The following HDLBP variants were observed in gnomAD, a reference collection of about 807,000 sequenced individuals.
HDLBP encodes the protein high density lipoprotein binding protein.
HDLBP carries 30 observed loss-of-function variants against 137.3 expected under a neutral mutation model. That is an observed-to-expected ratio of 0.22 (90% CI 0.16 to 0.30). The LOEUF is 0.30. Ranked by LOEUF, HDLBP falls within the 10% of genes least tolerant of loss-of-function variation. The pLI is 1.00. For synonymous variants in HDLBP, 606 were observed against 596.0 expected, an observed-to-expected ratio of 1.02 and a Z score of -0.24; for missense variants, 1,119 against 1,667.3, an observed-to-expected ratio of 0.67 and a Z score of 5.73.
At chr2:241,309,175 C>T (rs2075683788) in intron 1 of HDLBP, among the ~76,000 whole-genome samples, 1 of 152,178 alleles carries the variant, frequency 6.6e-6, no homozygotes, top group African/African-American at 2.4e-5. Flanking sequence ...CACTCCACTC[C>T]CCTCGATACT....
At chr2:241,267,438 T>C (rs2073759901) in intron 2 of HDLBP, 2 of 758,642 alleles carry the variant, frequency 2.6e-6, no homozygotes, top group South Asian at 3.2e-5. Flanking sequence ...AGAGACACAG[T>C]CAACACCACC....
chr2:241,232,511 G>A (rs2069893086), intron 24 of HDLBP, among the ~76,000 whole-genome samples: 1 of 152,188 alleles, frequency 6.6e-6, no homozygotes, highest in Non-Finnish European at 1.5e-5. Context: ...CCTGACCTCA[G>A]GGGATCCACC....
At position 241,240,832 on chromosome 2, in the gene HDLBP, C is replaced by G. The variant is rs969052703; in HGVS notation, c.2170-710G>C. ...TTCTGGCAGACCCACGCAGGGGCCC[C>G]GAGAAGGGCGCTGCTCCACGGGACT... On this transcript the variant is annotated intron_variant, in intron 17 of 27. Coordinates refer to ENST00000310931, the MANE Select transcript of HDLBP (RefSeq NM_005336.6). The surrounding 1 kb of genome is among the most constrained non-coding windows in gnomAD (Gnocchi z 5.5). Among the ~76,000 whole-genome samples the G allele has an allele frequency of 1.3e-5, 2 of 152,160 alleles. No individual in the cohort carries two copies. The highest frequency in any genetic ancestry group is 2.4e-5 in the African/African-American group (1 of 41,444).
At chr2:241,235,758 T>C (rs552012733) in intron 21 of HDLBP, 164 bp from the exon 22 acceptor site, 4 of 579,066 alleles carry the variant, frequency 6.9e-6, no homozygotes, top group Admixed American at 3.1e-5. Context: ...TAGAAAAGAA[T>C]AGGAAAAGAT....
At chr2:241,289,246 G>A (rs2074931617) in intron 1 of HDLBP, among the ~76,000 whole-genome samples, 1 of 152,118 alleles carries the variant, frequency 6.6e-6, no homozygotes, top group African/African-American at 2.4e-5. Flanking sequence ...ACACTGCTTG[G>A]CACATCACCC....
At position 241,238,820 on chromosome 2, in the gene HDLBP, A is replaced by G; in HGVS notation, c.2611-33T>C. 1.4e-6 allele frequency: 2 copies of G among 1,466,710 alleles called. No homozygotes were observed. Among genetic ancestry groups the G allele is most frequent in the Non-Finnish European group, 1.8e-6 (2 of 1,096,586 alleles). The allele number at this position is 1,466,710 out of a possible 1,614,324, so 90.9% of individuals were successfully genotyped here. ...GAGGTACACAAAGAAAAAAGAAAAGAGCAAAGATTAAATTCCTTAGGGCAA... is the reference window on the plus strand; with the variant it reads ...GAGGTACACAAAGAAAAAAGAAAAGGGCAAAGATTAAATTCCTTAGGGCAA... On this transcript the variant is annotated intron_variant, in intron 19 of 27. Transcript: ENST00000310931. The surrounding 1 kb of genome is among the most constrained non-coding windows in gnomAD (Gnocchi z 4.9).
intron 2 of HDLBP, 28 bp downstream of exon 2, chr2:241,268,448 AG>A (rs1408801776): frequency 7.1e-6 from 7 of 985,770 alleles, no homozygotes; most frequent in South Asian, 4.7e-5. Context: ...GCCCAGGGAC[AG>A]GAAGTCTTCA....
rs1273129829 is a variant in HDLBP at position 241,246,836 on chromosome 2, G to A, written c.1866C>T (p.Ser622=). Residue 622 remains serine, a synonymous_variant, in exon 16 of 28, where the codon AGC becomes AGT. Coordinates refer to ENST00000310931, the MANE Select transcript of HDLBP (RefSeq NM_005336.6). The part of the protein sequence containing the change: ...NTKIDLPAEN[S]NSETIIITGK... ...CTGTGATGATAATGGTCTCTGAATT[G>A]CTATTCTCTGCTGGAAGGTCGATTT... 2 of 1,613,942 alleles carry A rather than the reference G, an allele frequency of 1.2e-6. No individual in the cohort carries two copies. Among genetic ancestry groups the A allele is most frequent in the African/African-American group, 2.7e-5 (2 of 75,038 alleles).
intron 1 of HDLBP, among the ~76,000 whole-genome samples, chr2:241,270,666 G>A (rs1385312118): frequency 6.6e-6 from 1 of 152,118 alleles, no homozygotes; most frequent in Non-Finnish European, 1.5e-5. Flanking sequence ...CAACAAAGCA[G>A]CACCTAAGAA....
At chr2:241,270,297 A>G (rs2073956292) in intron 1 of HDLBP, among the ~76,000 whole-genome samples, 1 of 152,170 alleles carries the variant, frequency 6.6e-6, no homozygotes, top group African/African-American at 2.4e-5. Context: ...GCAGCCAGGT[A>G]AGGCAGAAGG....
At chr2:241,292,355 T>C (rs117625542) in intron 1 of HDLBP, among the ~76,000 whole-genome samples, 119 of 152,210 alleles carry the variant, frequency 7.8e-4, no homozygotes, top group East Asian at 5.2e-3. Flanking sequence ...CATAAATAAA[T>C]GGCATTAAAA....
intron 1 of HDLBP, among the ~76,000 whole-genome samples, chr2:241,313,626 C>A (rs1318866714): frequency 6.6e-6 from 1 of 152,202 alleles, no homozygotes; most frequent in African/African-American, 2.4e-5. Flanking sequence ...ACCCTTAACC[C>A]TACACAGCAA....
chr2:241,314,370 AC>A (rs1281696976), intron 1 of HDLBP, among the ~76,000 whole-genome samples: 1 of 152,112 alleles, frequency 6.6e-6, no homozygotes, highest in Non-Finnish European at 1.5e-5. Flanking sequence ...CTTAGACAAA[AC>A]CCTAATTGTG....
At position 241,264,526 on chromosome 2, in the gene HDLBP, A is replaced by G. The variant is rs972362223; in HGVS notation, c.156T>C (p.Ala52=). 1.2e-6 allele frequency: 2 copies of G among 1,613,888 alleles called. No individual in the cohort carries two copies. The highest frequency in any genetic ancestry group is 1.7e-6 in the Non-Finnish European group (2 of 1,179,866). The stretch of plus-strand genomic sequence containing the variant: ...CGGGTTCCTGGGCACTTTCCAGGCA[A>G]GCAGCTTTCTCAGGAAGTGGAGGGA... The part of the protein sequence containing the change: ...DAFPPLPEKA[A]CLESAQEPAG... The change falls in exon 4 of 28, where the codon GCT becomes GCC. Residue 52 remains alanine (A), a synonymous_variant. Transcript: ENST00000310931.
intron 1 of HDLBP, among the ~76,000 whole-genome samples, chr2:241,278,820 TACAC>T (rs1157219400): frequency 6.6e-6 from 1 of 152,094 alleles, no homozygotes; most frequent in Non-Finnish European, 1.5e-5. Context: ...ATAAAACCAA[TACAC>T]ACAATCAATT....
chr2:241,253,542 G>A (rs1280424566), intron 9 of HDLBP, 45 bp from the exon 10 acceptor site: 2 of 1,361,866 alleles, frequency 1.5e-6, no homozygotes, highest in East Asian at 4.6e-5. Flanking sequence ...GAATGGCACA[G>A]CTGCAGCCCC....
chr2:241,278,421 A>G (rs919126617), intron 1 of HDLBP, among the ~76,000 whole-genome samples: 1 of 152,030 alleles, frequency 6.6e-6, no homozygotes, highest in Non-Finnish European at 1.5e-5. Flanking sequence ...CGTCTCTACT[A>G]AACATACAAA....
chr2:241,232,494 T>C (rs1456627177), intron 24 of HDLBP, among the ~76,000 whole-genome samples: 2 of 152,178 alleles, frequency 1.3e-5, no homozygotes, highest in Non-Finnish European at 2.9e-5. Flanking sequence ...CAGGTTGGCC[T>C]TGAACTCCTG....
At chr2:241,305,056 C>T (rs1481125553) in intron 1 of HDLBP, among the ~76,000 whole-genome samples, 1 of 152,190 alleles carries the variant, frequency 6.6e-6, no homozygotes, top group African/African-American at 2.4e-5. Flanking sequence ...TCTGTGAGGA[C>T]ACCAGCACTG....
Sources: allele counts gnomAD v4.1 joint callset (sites outside exome capture counted in the v4.1 genomes callset), GRCh38; gene constraint gnomAD v4.1.1; non-coding constraint Gnocchi (gnomAD v3.1); transcripts MANE v1.5; gene names NCBI Gene and HGNC (gene_info 2026-07-23, HGNC 2026-07-21).